DZANK1: variants seen among roughly 807,000 people sequenced by gnomAD.
DZANK1 encodes the protein double zinc ribbon and ankyrin repeat-containing protein 1.
DZANK1 carries 91 observed loss-of-function variants against 94.5 expected under a neutral mutation model. The ratio of observed to expected loss-of-function variants is 0.96; its 90% confidence interval spans 0.81 to 1.15. The LOEUF is 1.15. DZANK1 is among the 50% of genes most tolerant of loss of function. The pLI, the probability that DZANK1 is intolerant of heterozygous loss-of-function variation, is 0.00. For synonymous variants in DZANK1, 312 were observed against 325.3 expected, an observed-to-expected ratio of 0.96 and a Z score of 0.44; for missense variants, 903 against 916.4, an observed-to-expected ratio of 0.99 and a Z score of 0.19.
At chr20:18,399,496 C>T (rs1387874286) in intron 13 of DZANK1, among the ~76,000 whole-genome samples, 1 of 152,128 alleles carries the variant, frequency 6.6e-6, no homozygotes, top group Non-Finnish European at 1.5e-5. Context: ...TCCCAAAGTG[C>T]TAGGATTATA....
chr20:18,455,181 G>T, intron 4 of DZANK1, 66 bp downstream of exon 4: 2 of 1,205,968 alleles, frequency 1.7e-6, no homozygotes, highest in East Asian at 2.5e-5. Flanking sequence ...GGCAAGATCT[G>T]CTCACTGAGA....
exon 19 of DZANK1, chr20:18,389,756 C>G (rs906743440): frequency 1.2e-6 from 2 of 1,613,870 alleles, no homozygotes; most frequent in African/African-American, 2.7e-5. Context: ...GGAATCGCTT[C>G]ATGGTGCTTA....
At chr20:18,465,482 T>C (rs1165264523) in intron 1 of DZANK1, 105 bp from the exon 2 acceptor site, 2 of 397,356 alleles carry the variant, frequency 5.0e-6, no homozygotes, top group Non-Finnish European at 8.9e-6. Flanking sequence ...ACTGTTAACA[T>C]GGCACTACAA....
intron 7 of DZANK1, among the ~76,000 whole-genome samples, chr20:18,447,244 G>T (rs539387480): frequency 6.6e-6 from 1 of 152,076 alleles, no homozygotes; most frequent in Non-Finnish European, 1.5e-5. Flanking sequence ...GGGAGGTTGA[G>T]GGGAGCAGAT....
rs1018043156 is a variant in DZANK1 at position 18,460,809 on chromosome 20, G to A, written c.110-503C>T. On this transcript the variant is annotated intron_variant, in intron 2 of 20. Transcript: ENST00000262547. ...CTATAGGTTATTATATATACATAATGGAAATGAATAGTAATAGCAATAATG... is the reference window on the plus strand; with the variant it reads ...CTATAGGTTATTATATATACATAATAGAAATGAATAGTAATAGCAATAATG... 5.9e-5 allele frequency among the ~76,000 whole-genome samples: 9 copies of A among 152,072 alleles called. No individual in the cohort carries two copies. The South Asian group carries it at 1.0e-3, about 17-fold the overall frequency.
rs779098871 is a variant in DZANK1, at chr20:18,400,475, C to T, written c.1433-1849G>A. ...AGTGCTTCAGGGTTGCACCTGTGTA[C>T]GGATAGGCAGCCTTCTCCTGCTCTG... On this transcript the variant is annotated intron_variant, in intron 13 of 20. Transcript: ENST00000262547. 4.6e-4 allele frequency among the ~76,000 whole-genome samples: 70 copies of T among 152,124 alleles called. 1 individual carries two copies. The highest frequency in any genetic ancestry group is 1.9e-3 in the Admixed American group (29 of 15,274).
intron 13 of DZANK1, among the ~76,000 whole-genome samples, chr20:18,410,751 G>A (rs936926869): frequency 4.6e-5 from 7 of 152,106 alleles, no homozygotes; most frequent in Non-Finnish European, 8.8e-5. Context: ...GTTTGAGACC[G>A]GCAACACTGG....
At chr20:18,409,218 T>C (rs2057110987) in intron 13 of DZANK1, among the ~76,000 whole-genome samples, 1 of 152,052 alleles carries the variant, frequency 6.6e-6, no homozygotes, top group Admixed American at 6.6e-5. Context: ...TCAAGTAGGA[T>C]AAACCCAAAG....
chr20:18,449,129 G>A, intron 6 of DZANK1, 60 bp from the exon 7 acceptor site: 1 of 1,364,190 alleles, frequency 7.3e-7, no homozygotes, highest in Non-Finnish European at 1.0e-6. Flanking sequence ...CATGGTAAAG[G>A]CTATGGTATA....
At chr20:18,457,423 C>A (rs1876480021) in intron 3 of DZANK1, among the ~76,000 whole-genome samples, 1 of 152,062 alleles carries the variant, frequency 6.6e-6, no homozygotes, top group Non-Finnish European at 1.5e-5. Flanking sequence ...GTTGCAGTGA[C>A]CCAAGATCAC....
intron 19 of DZANK1, among the ~76,000 whole-genome samples, chr20:18,388,656 A>C (rs2048660634): frequency 6.6e-6 from 1 of 152,246 alleles, no homozygotes. Flanking sequence ...ATAAGTTGAC[A>C]CAGTAAACTC....
At chr20:18,442,594 A>G (rs1001988217) in intron 8 of DZANK1, among the ~76,000 whole-genome samples, 5 of 152,244 alleles carry the variant, frequency 3.3e-5, no homozygotes, top group Non-Finnish European at 7.3e-5. Context: ...TAAAACAGCC[A>G]TTTAATACCT....
intron 12 of DZANK1, 44 bp downstream of exon 12, chr20:18,414,304 A>G (rs772930299): frequency 1.9e-6 from 3 of 1,606,150 alleles, no homozygotes; most frequent in Non-Finnish European, 2.6e-6. Context: ...TCAGAGTTAC[A>G]GCCTCTTCCT....
chr20:18,466,177 A>G (rs1273120207), intron 1 of DZANK1, among the ~76,000 whole-genome samples: 1 of 152,212 alleles, frequency 6.6e-6, no homozygotes, highest in East Asian at 1.9e-4. Context: ...GCCTTTTCAA[A>G]TTTCATTAAT....
chr20:18,396,648 C>T, intron 14 of DZANK1, 102 bp from the exon 15 acceptor site: 1 of 738,174 alleles, frequency 1.4e-6, no homozygotes. Flanking sequence ...TAAATTTAAC[C>T]AAATATTTAA....
At chr20:18,455,291 G>C (rs770805545) in exon 4 of DZANK1, 2 of 1,609,618 alleles carry the variant, frequency 1.2e-6, no homozygotes, top group Non-Finnish European at 1.7e-6. Flanking sequence ...TTGTCTTCAG[G>C]AGAGACTATA....
At chr20:18,457,630 T>G (rs2059334868) in intron 3 of DZANK1, among the ~76,000 whole-genome samples, 1 of 152,168 alleles carries the variant, frequency 6.6e-6, no homozygotes. Flanking sequence ...TCTATGACAT[T>G]GCGTTTATCC....
At chr20:18,399,900 A>C (rs558246580) in intron 13 of DZANK1, among the ~76,000 whole-genome samples, 55 of 152,228 alleles carry the variant, frequency 3.6e-4, no homozygotes, top group Non-Finnish European at 7.2e-4. Context: ...TCCCACCAAC[A>C]AATGAAGACA....
intron 15 of DZANK1, among the ~76,000 whole-genome samples, chr20:18,395,791 C>G (rs763487310): frequency 1.3e-5 from 2 of 152,178 alleles, no homozygotes; most frequent in Non-Finnish European, 2.9e-5. Flanking sequence ...CTGCTCTAGT[C>G]ACAACAATTA....
Sources: allele counts gnomAD v4.1 joint callset (sites outside exome capture counted in the v4.1 genomes callset), GRCh38; gene constraint gnomAD v4.1.1; transcripts MANE v1.5; gene names NCBI Gene and HGNC (gene_info 2026-07-23, HGNC 2026-07-21).